The following MACROD2 variants were observed in gnomAD, a reference collection of about 807,000 sequenced individuals.
MACROD2 encodes the protein ADP-ribose glycohydrolase MACROD2.
In MACROD2, 36 loss-of-function variants were observed where a neutral mutation model predicts 70.4. The ratio of observed to expected loss-of-function variants is 0.51; its 90% confidence interval spans 0.39 to 0.68. The LOEUF is 0.68. Ranked by LOEUF, MACROD2 falls within the 30% of genes least tolerant of loss-of-function variation. MACROD2 has a pLI of 0.00. For missense variants in MACROD2, 496 were observed against 538.4 expected, an observed-to-expected ratio of 0.92 and a Z score of 0.78; for synonymous variants, 172 against 178.8, an observed-to-expected ratio of 0.96 and a Z score of 0.30.
intron 2 of MACROD2, among the ~76,000 whole-genome samples, chr20:14,016,163 GT>G (rs1413608996): frequency 6.6e-6 from 1 of 152,074 alleles, no homozygotes; most frequent in Non-Finnish European, 1.5e-5. Flanking sequence ...TTCTGTTTTG[GT>G]TTTGGTTGTT....
chr20:15,652,786 C>A (rs775367736), intron 8 of MACROD2, among the ~76,000 whole-genome samples: 66 of 151,128 alleles, frequency 4.4e-4, no homozygotes, highest in Non-Finnish European at 7.7e-4. Context: ...CCCTAGTTTT[C>A]TCATTCATAA....
chr20:14,965,971 G>A (rs1218048367), intron 5 of MACROD2, among the ~76,000 whole-genome samples: 1 of 152,042 alleles, frequency 6.6e-6, no homozygotes, highest in African/African-American at 2.4e-5. Context: ...CTTTTCAGTG[G>A]GGTATGTTTA....
At chr20:15,960,407 A>G (rs1399119887) in intron 12 of MACROD2, among the ~76,000 whole-genome samples, 1 of 152,240 alleles carries the variant, frequency 6.6e-6, no homozygotes, top group Admixed American at 6.5e-5. Flanking sequence ...TAGGATGAGC[A>G]TTCTCATATT....
chr20:14,743,556 T>C (rs1282265395), intron 5 of MACROD2, among the ~76,000 whole-genome samples: 3 of 152,192 alleles, frequency 2.0e-5, no homozygotes, highest in African/African-American at 7.2e-5. Flanking sequence ...TCTTCCCAAA[T>C]GTCCCAGTTA....
intron 2 of MACROD2, among the ~76,000 whole-genome samples, chr20:14,041,604 A>G (rs1024740362): frequency 6.6e-6 from 1 of 152,220 alleles, no homozygotes; most frequent in African/African-American, 2.4e-5. Flanking sequence ...AGAAAGATGT[A>G]AGGCTGACAA....
At chr20:14,529,637 G>T (rs1450602210) in intron 4 of MACROD2, among the ~76,000 whole-genome samples, 1 of 152,150 alleles carries the variant, frequency 6.6e-6, no homozygotes, top group Non-Finnish European at 1.5e-5. Context: ...TGACATGATT[G>T]CCAAGACTGA....
chr20:15,515,009 C>T (rs1199915858), intron 8 of MACROD2, among the ~76,000 whole-genome samples: 2 of 152,224 alleles, frequency 1.3e-5, no homozygotes, highest in Non-Finnish European at 2.9e-5. Flanking sequence ...TGCTGCAGCT[C>T]ATACAACTTA....
At chr20:14,563,326 C>T (rs1979560771) in intron 4 of MACROD2, among the ~76,000 whole-genome samples, 1 of 151,874 alleles carries the variant, frequency 6.6e-6, no homozygotes. Context: ...GAAAGAACGT[C>T]TCCAAAAGGG....
chr20:14,269,974 T>G, intron 3 of MACROD2, among the ~76,000 whole-genome samples: 1 of 152,188 alleles, frequency 6.6e-6, no homozygotes, highest in African/African-American at 2.4e-5. Flanking sequence ...TAAGCTTTTT[T>G]ACCTACTACT....
intron 5 of MACROD2, among the ~76,000 whole-genome samples, chr20:14,896,708 A>T (rs1044346258): frequency 6.6e-6 from 1 of 152,166 alleles, no homozygotes; most frequent in Non-Finnish European, 1.5e-5. Context: ...TCTACCAGTT[A>T]TATGGCATTT....
At chr20:14,078,987 T>C (rs1377838884) in intron 2 of MACROD2, among the ~76,000 whole-genome samples, 3 of 152,224 alleles carry the variant, frequency 2.0e-5, no homozygotes, top group African/African-American at 7.2e-5. Flanking sequence ...ACTGTTATCA[T>C]CATAATGCCA....
intron 6 of MACROD2, among the ~76,000 whole-genome samples, chr20:15,430,770 TAATA>T (rs953546300): frequency 1.8e-4 from 28 of 151,946 alleles, no homozygotes; most frequent in African/African-American, 6.0e-4. Context: ...TTACATATAA[TAATA>T]AATAATATAT....
intron 3 of MACROD2, among the ~76,000 whole-genome samples, chr20:14,265,533 AG>A (rs1467378392): frequency 6.6e-6 from 1 of 151,930 alleles, no homozygotes; most frequent in Non-Finnish European, 1.5e-5. Context: ...TTTTTACAAT[AG>A]TTTTTTTCAC....
intron 3 of MACROD2, among the ~76,000 whole-genome samples, chr20:14,433,122 T>A (rs1248373074): frequency 6.6e-6 from 1 of 152,112 alleles, no homozygotes; most frequent in African/African-American, 2.4e-5. Context: ...GACCAGTTCA[T>A]ATTCTTAAAC....
chr20:14,415,784 G>A (rs1487402975), intron 3 of MACROD2, among the ~76,000 whole-genome samples: 1 of 152,156 alleles, frequency 6.6e-6, no homozygotes, highest in Non-Finnish European at 1.5e-5. Flanking sequence ...TGTAAGGCAC[G>A]TGGTCTATCC....
intron 8 of MACROD2, among the ~76,000 whole-genome samples, chr20:15,811,704 A>G (rs1231584871): frequency 6.6e-6 from 1 of 151,994 alleles, no homozygotes; most frequent in Non-Finnish European, 1.5e-5. Context: ...GGGTGAATGG[A>G]TAAGATAGTT....
At chr20:15,646,773 C>G (rs1752098935) in intron 8 of MACROD2, among the ~76,000 whole-genome samples, 1 of 152,258 alleles carries the variant, frequency 6.6e-6, no homozygotes, top group African/African-American at 2.4e-5. Context: ...GAAAAAGGTG[C>G]CTTGCTTCTC....
At chr20:15,658,203 C>G (rs897220499) in intron 8 of MACROD2, among the ~76,000 whole-genome samples, 6 of 147,586 alleles carry the variant, frequency 4.1e-5, no homozygotes, top group Non-Finnish European at 8.9e-5. Context: ...AAAACAAAAG[C>G]TTTTTTCTTT....
chr20:15,678,976 C>T (rs1441949747), intron 8 of MACROD2, among the ~76,000 whole-genome samples: 1 of 152,126 alleles, frequency 6.6e-6, no homozygotes, highest in Non-Finnish European at 1.5e-5. Context: ...GTGGCTCACG[C>T]CTGTAATCCC....
Sources: gnomAD v4.1 joint callset for allele counts (sites outside exome capture counted in the v4.1 genomes callset) on GRCh38, gnomAD v4.1.1 for gene constraint, MANE v1.5 for transcripts, NCBI Gene and HGNC (gene_info 2026-07-23, HGNC 2026-07-21) for gene names.